Variants in RPS6KC1 observed in about 807,000 individuals in gnomAD.
RPS6KC1 encodes the protein ribosomal protein S6 kinase C1.
A neutral mutation model predicts 103.8 loss-of-function variants in RPS6KC1; 54 were observed. The observed-to-expected ratio is 0.52, with a 90% CI of 0.42 to 0.65. The LOEUF is 0.65. RPS6KC1 is among the 30% of genes least tolerant of loss of function. The probability of loss-of-function intolerance (pLI) is 0.00; values close to 1 mark genes in which losing one functional copy is unlikely to be tolerated. For synonymous variants in RPS6KC1, 439 were observed against 438.7 expected (o/e 1.00, Z -0.01); for missense variants, 1,151 against 1,253.8 (o/e 0.92, Z 1.24).
At chr1:213,452,435 C>CT in the RPS6KC1 span, among the ~76,000 whole-genome samples, 5 of 151,658 alleles carry the variant, frequency 3.3e-5, no homozygotes, top group African/African-American at 1.2e-4. Flanking sequence ...GGGTGGGTTA[C>CT]TTTTTTCCCT....
intron 14 of RPS6KC1, among the ~76,000 whole-genome samples, chr1:213,268,570 TATATA>T (rs2094965537): frequency 2.7e-5 from 4 of 147,906 alleles, no homozygotes; most frequent in African/African-American, 7.3e-5. Context: ...TTTATATATT[TATATA>T]TTGTATATAT....
the RPS6KC1 span, among the ~76,000 whole-genome samples, chr1:213,311,276 C>T: frequency 6.6e-6 from 1 of 151,926 alleles, no homozygotes; most frequent in African/African-American, 2.4e-5. Context: ...GTAGCTGGGA[C>T]TACAGGTGCC....
the RPS6KC1 span, among the ~76,000 whole-genome samples, chr1:213,765,299 G>A: frequency 1.3e-5 from 2 of 152,196 alleles, no homozygotes; most frequent in Non-Finnish European, 2.9e-5. Flanking sequence ...GCGCCCCTAA[G>A]AAGGCATCTC....
chr1:213,477,239 T>A, the RPS6KC1 span, among the ~76,000 whole-genome samples: 20 of 152,354 alleles, frequency 1.3e-4, no homozygotes, highest in Admixed American at 3.3e-4. Flanking sequence ...TATAACTTTT[T>A]AAAAATGTTC....
the RPS6KC1 span, among the ~76,000 whole-genome samples, chr1:213,676,036 C>T: frequency 6.6e-6 from 1 of 152,204 alleles, no homozygotes; most frequent in African/African-American, 2.4e-5. Flanking sequence ...CTTTCCACTT[C>T]CCTTCCTCTG....
chr1:213,651,965 T>C, the RPS6KC1 span, among the ~76,000 whole-genome samples: 2 of 152,216 alleles, frequency 1.3e-5, no homozygotes, highest in African/African-American at 4.8e-5. Flanking sequence ...AGATGCTTCC[T>C]GACTCACCCT....
chr1:213,230,481 C>A lies in RPS6KC1; in HGVS notation c.1045-16C>A. On this transcript the variant is annotated splice_polypyrimidine_tract_variant and intron_variant, in intron 8 of 14. Transcript: ENST00000366960. ...ATTGTATTGTTAATAAATTATTACT[C>A]GTGTCTTTTATGTAGGTTTTACTTG... 1 of 1,556,296 alleles carries A rather than the reference C, an allele frequency of 6.4e-7. No individual in the cohort carries two copies. Among genetic ancestry groups the A allele is most frequent in the Non-Finnish European group, 8.8e-7 (1 of 1,133,800 alleles).
the RPS6KC1 span, among the ~76,000 whole-genome samples, chr1:213,422,806 C>T: frequency 1.3e-5 from 2 of 152,214 alleles, no homozygotes; most frequent in Non-Finnish European, 2.9e-5. Flanking sequence ...CACCATATTA[C>T]ACCTGCAAGG....
At chr1:213,261,783 A>G in intron 13 of RPS6KC1, 143 bp downstream of exon 13, 1 of 655,562 alleles carries the variant, frequency 1.5e-6, no homozygotes, top group East Asian at 2.6e-5. Flanking sequence ...GAGAAATGCA[A>G]GTTTATCAAG....
chr1:213,610,837 C>A, the RPS6KC1 span, among the ~76,000 whole-genome samples: 2 of 152,146 alleles, frequency 1.3e-5, no homozygotes, highest in East Asian at 3.9e-4. Context: ...AAGGATTCAG[C>A]CAATCAAGTC....
the RPS6KC1 span, among the ~76,000 whole-genome samples, chr1:213,602,034 CTCTT>C: frequency 0.054 from 621 of 11,512 alleles, 147 homozygotes; most frequent in African/African-American, 0.11. Flanking sequence ...CTTTCTCTTT[CTCTT>C]TCTTTCTTTC....
At chr1:213,514,992 T>A in the RPS6KC1 span, among the ~76,000 whole-genome samples, 7 of 152,344 alleles carry the variant, frequency 4.6e-5, no homozygotes, top group South Asian at 1.5e-3. Context: ...ATGATGAGCA[T>A]TTTTTCATGT....
At chr1:213,496,757 C>CG in the RPS6KC1 span, among the ~76,000 whole-genome samples, 16 of 151,798 alleles carry the variant, frequency 1.1e-4, no homozygotes, top group East Asian at 1.2e-3. Context: ...GACTCAGTCT[C>CG]GGGGGAAAAA....
intron 8 of RPS6KC1, among the ~76,000 whole-genome samples, chr1:213,216,204 CAA>C (rs1483668917): frequency 6.6e-6 from 1 of 151,690 alleles, no homozygotes; most frequent in Non-Finnish European, 1.5e-5. Flanking sequence ...AAATGGAAAA[CAA>C]AAAAAGGCAG....
chr1:213,529,788 G>T, the RPS6KC1 span, among the ~76,000 whole-genome samples: 2 of 152,156 alleles, frequency 1.3e-5, no homozygotes, highest in Admixed American at 1.3e-4. Flanking sequence ...TTGATCCCTG[G>T]CATGGGACTC....
chr1:213,293,560 T>C, the RPS6KC1 span, among the ~76,000 whole-genome samples: 1 of 152,186 alleles, frequency 6.6e-6, no homozygotes, highest in East Asian at 1.9e-4. Context: ...ATTTTTCTTT[T>C]TTCCTTTTTT....
chr1:213,126,435 A>G (rs2084998388), intron 5 of RPS6KC1, among the ~76,000 whole-genome samples: 1 of 152,136 alleles, frequency 6.6e-6, no homozygotes, highest in African/African-American at 2.4e-5. Context: ...AAGAAGTTGA[A>G]AAAAAGTTGA....
At chr1:213,137,474 C>T (rs1045662302) in intron 6 of RPS6KC1, among the ~76,000 whole-genome samples, 1 of 151,986 alleles carries the variant, frequency 6.6e-6, no homozygotes, top group South Asian at 2.1e-4. Context: ...GCTGAGATTA[C>T]AGGCATGTGC....
In RPS6KC1 at chr1:213,120,788, A is replaced by G. The variant is rs183638577; in HGVS notation, c.472+3378A>G. 3.7e-3 allele frequency among the ~76,000 whole-genome samples: 563 copies of G among 152,262 alleles called. 7 individuals are homozygous for G. Among genetic ancestry groups the G allele is most frequent in the Middle Eastern group, 3.4e-3 (1 of 294 alleles). The stretch of plus-strand genomic sequence containing the variant: ...TCTTAATATATAGTCTGCTGTTTCA[A>G]TGTTCTTTAGTTACAGTTAGAGTGA... On this transcript the variant is annotated intron_variant, in intron 5 of 14. Transcript: ENST00000366960.
Sources: gnomAD v4.1 joint callset for allele counts (sites outside exome capture counted in the v4.1 genomes callset) on GRCh38, gnomAD v4.1.1 for gene constraint, MANE v1.5 for transcripts, NCBI Gene and HGNC (gene_info 2026-07-23, HGNC 2026-07-21) for gene names.